GAPVD1: variants seen among roughly 807,000 people sequenced by gnomAD.
The protein encoded by GAPVD1 is GTPase-activating protein and VPS9 domain-containing protein 1.
In GAPVD1, 35 loss-of-function variants were observed where a neutral mutation model predicts 155.5. That is an observed-to-expected ratio of 0.23 (90% CI 0.17 to 0.30). The LOEUF (loss-of-function observed/expected upper bound fraction) is 0.30. Among genes scored for constraint, GAPVD1 ranks in the 10% least tolerant of loss-of-function variants. The pLI is 1.00. For synonymous variants in GAPVD1, 636 were observed against 619.7 expected (o/e 1.03, Z -0.39); for missense variants, 1,429 against 1,775.7 (o/e 0.80, Z 3.51).
rs74933934 is a variant in GAPVD1, at chr9:125,332,292, G to A, written c.2309-218G>A. On this transcript the variant is annotated intron_variant, in intron 14 of 27. Coordinates refer to ENST00000297933, the MANE Select transcript of GAPVD1 (RefSeq NM_001282680.3). ...TCTACAACTGTTTCTGTTCTTAGTA[G>A]CCTGTCCTACTTTAGAATTGTACGA... is the stretch of plus-strand genomic sequence containing the variant. Among the ~76,000 whole-genome samples, 760 of 152,250 alleles carry A rather than the reference G, an allele frequency of 5.0e-3. 9 individuals are homozygous for A. Among genetic ancestry groups the A allele is most frequent in the African/African-American group, 0.017 (713 of 41,536 alleles).
chr9:125,300,188 T>A (rs1473007298), intron 4 of GAPVD1, among the ~76,000 whole-genome samples: 3 of 141,370 alleles, frequency 2.1e-5, no homozygotes, highest in Non-Finnish European at 4.6e-5. Context: ...TATTTTATTT[T>A]TTTTTTTTTT....
intron 12 of GAPVD1, among the ~76,000 whole-genome samples, chr9:125,329,217 AT>A (rs1318604642): frequency 6.6e-6 from 1 of 152,142 alleles, no homozygotes; most frequent in Non-Finnish European, 1.5e-5. Flanking sequence ...AGTTAGCTGT[AT>A]TTGCGCAATA....
At chr9:125,335,224 A>G (rs1461251973) in intron 15 of GAPVD1, 1 of 770,206 alleles carries the variant, frequency 1.3e-6, no homozygotes, top group South Asian at 1.4e-5. Flanking sequence ...TTGAAGCAGA[A>G]GCAGACATGA....
intron 17 of GAPVD1, among the ~76,000 whole-genome samples, chr9:125,340,233 C>T (rs1847656556): frequency 6.6e-6 from 1 of 152,176 alleles, no homozygotes; most frequent in African/African-American, 2.4e-5. Flanking sequence ...GTTGGCCGGG[C>T]TGTTCTTGAG....
At chr9:125,355,110 CA>C (rs1365996204) in intron 24 of GAPVD1, among the ~76,000 whole-genome samples, 1 of 151,918 alleles carries the variant, frequency 6.6e-6, no homozygotes, top group Admixed American at 6.6e-5. Flanking sequence ...TTTAAAAAGC[CA>C]AACATATTTT....
At chr9:125,280,387 A>G (rs1836579235) in intron 2 of GAPVD1, among the ~76,000 whole-genome samples, 1 of 139,936 alleles carries the variant, frequency 7.1e-6, no homozygotes, top group Admixed American at 7.1e-5. Context: ...CAAGAGCAAA[A>G]GTCCATCTCA....
chr9:125,301,875 T>C, intron 4 of GAPVD1, 108 bp from the exon 5 acceptor site: 1 of 899,540 alleles, frequency 1.1e-6, no homozygotes. Flanking sequence ...AGTGACCTCA[T>C]TGTTGGGACC....
chr9:125,359,113 A>G (rs1383808982), intron 25 of GAPVD1, among the ~76,000 whole-genome samples: 2 of 151,096 alleles, frequency 1.3e-5, no homozygotes, highest in African/African-American at 2.4e-5. Flanking sequence ...CTTTTCCTCT[A>G]CCTTACAAAA....
At chr9:125,306,457 G>A (rs535829721) in intron 6 of GAPVD1, among the ~76,000 whole-genome samples, 5 of 152,076 alleles carry the variant, frequency 3.3e-5, no homozygotes, top group Non-Finnish European at 2.9e-5. Context: ...GTAGCACAAT[G>A]TGTATACTGT....
At chr9:125,268,610 C>G (rs1834381810) in intron 1 of GAPVD1, among the ~76,000 whole-genome samples, 2 of 151,940 alleles carry the variant, frequency 1.3e-5, no homozygotes, top group Non-Finnish European at 2.9e-5. Context: ...AGAGATTCCC[C>G]TGCCTCAGCC....
intron 18 of GAPVD1, chr9:125,342,002 A>C (rs909158799): frequency 7.4e-6 from 3 of 405,822 alleles, no homozygotes; most frequent in Non-Finnish European, 1.3e-5. Context: ...ATTCCTGTTA[A>C]ATTATTCTTC....
chr9:125,266,543 G>C (rs1834002114), intron 1 of GAPVD1, among the ~76,000 whole-genome samples: 1 of 151,984 alleles, frequency 6.6e-6, no homozygotes, highest in Non-Finnish European at 1.5e-5. Flanking sequence ...TTGATCTCCT[G>C]ACCTTGTGAT....
intron 10 of GAPVD1, among the ~76,000 whole-genome samples, chr9:125,323,148 C>G (rs10986701): frequency 6.6e-6 from 1 of 151,768 alleles, no homozygotes; most frequent in African/African-American, 2.4e-5. Context: ...CTTTTGTTGC[C>G]CAGGCTGGAG....
chr9:125,306,288 G>A (rs955394951), intron 6 of GAPVD1, among the ~76,000 whole-genome samples: 3 of 151,888 alleles, frequency 2.0e-5, no homozygotes, highest in Non-Finnish European at 4.4e-5. Flanking sequence ...CTCAGCCTCC[G>A]AGTAGCTGGG....
intron 27 of GAPVD1, among the ~76,000 whole-genome samples, chr9:125,362,125 T>C (rs1391318332): frequency 1.3e-5 from 2 of 152,168 alleles, no homozygotes; most frequent in African/African-American, 4.8e-5. Context: ...CCTGTGCCCT[T>C]TCTCACCACA....
chr9:125,339,760 C>A (rs1310421586), intron 17 of GAPVD1, among the ~76,000 whole-genome samples: 1 of 152,204 alleles, frequency 6.6e-6, no homozygotes, highest in Non-Finnish European at 1.5e-5. Context: ...ATTTGTAACT[C>A]ATTTCTCCAA....
At chr9:125,310,225 G>A (rs748527676) in intron 8 of GAPVD1, among the ~76,000 whole-genome samples, 4 of 152,188 alleles carry the variant, frequency 2.6e-5, no homozygotes, top group Non-Finnish European at 5.9e-5. Context: ...AAAAGATAGG[G>A]TGAGCAAATA....
chr9:125,332,013 G>C lies in GAPVD1; in HGVS notation c.2261G>C (p.Arg754Thr). ...LGSTSDDTDVREVSSRPSTPG... is the reference protein window; with the variant it reads ...LGSTSDDTDVTEVSSRPSTPG... Reference sequence around the variant, plus strand: ...AGCACATCTGATGATACGGATGTCAGGGAGGTCAGTTCCCGCCCCAGCACA... The same window carrying C: ...AGCACATCTGATGATACGGATGTCACGGAGGTCAGTTCCCGCCCCAGCACA... The change falls in exon 14 of 28, where the codon AGG (arginine) becomes ACG (threonine). Residue 754 changes from arginine (R) to threonine (T), a missense_variant. Physicochemically the swap from Arg to Thr is moderately conservative, Grantham distance 71 (BLOSUM62 -1). This residue lies in a region of GAPVD1 where 699 missense variants were observed against 826.0 expected (regional missense o/e 0.85). Transcript: ENST00000297933. 6.2e-7 allele frequency: 1 copy of C among 1,614,026 alleles called. No individual in the cohort carries two copies. Among genetic ancestry groups the C allele is most frequent in the Non-Finnish European group, 8.5e-7 (1 of 1,179,902 alleles).
At chr9:125,357,988 C>A (rs551232629) in intron 25 of GAPVD1, among the ~76,000 whole-genome samples, 4,653 of 148,062 alleles carry the variant, frequency 0.031, 79 homozygotes, top group Non-Finnish European at 0.041. Context: ...AAAAAAAAAA[C>A]ACACACACAC....
Sources: allele counts gnomAD v4.1 joint callset (sites outside exome capture counted in the v4.1 genomes callset), GRCh38; gene constraint gnomAD v4.1.1; regional missense constraint gnomAD v4.1.1; transcripts MANE v1.5; gene names NCBI Gene and HGNC (gene_info 2026-07-23, HGNC 2026-07-21).